The following GOLGA3 variants were observed in gnomAD, a reference collection of about 807,000 sequenced individuals.
The protein encoded by GOLGA3 is golgin A3.
Under a neutral mutation model 169.4 loss-of-function variants are expected in GOLGA3, and 75 were observed. The ratio of observed to expected loss-of-function variants is 0.44; its 90% CI spans 0.37 to 0.54. GOLGA3 has a LOEUF of 0.54. Ranked by LOEUF, GOLGA3 falls within the 20% of genes least tolerant of loss-of-function variation. GOLGA3 has a pLI of 0.00. For missense variants in GOLGA3, 1,899 were observed against 1,930.0 expected, an observed-to-expected ratio of 0.98 and a Z score of 0.30; for synonymous variants, 824 against 822.4, an observed-to-expected ratio of 1.00 and a Z score of -0.03.
Position 132,816,755 on chromosome 12 carries a change from C to G in GOLGA3, c.191G>C (p.Gly64Ala). Residue 64 changes from glycine to alanine, a missense_variant, in exon 3 of 24, where the codon GGA becomes GCA. Gly to Ala is a moderately conservative substitution (Grantham distance 60). Transcript: ENST00000450791. Reference protein sequence around the residue: ...EGESPDGPGQGGLCQNGPTPP... With the variant: ...EGESPDGPGQAGLCQNGPTPP... ...CGTTGGCCCGTTCTGACAGAGGCCT[C>G]CCTGGCCAGGTCCATCCGGGCTTTC... 1.9e-6 allele frequency: 3 copies of G among 1,613,244 alleles called. No individual in the cohort carries two copies. The South Asian group carries it at 3.3e-5, about 18-fold the overall frequency.
Position 132,789,171 on chromosome 12 carries a change from T to C in GOLGA3, c.2667A>G (p.Gln889=), listed in dbSNP as rs1451004413. 6.2e-7 allele frequency: 1 copy of C among 1,612,148 alleles called. No individual in the cohort carries two copies. The highest frequency in any genetic ancestry group is 8.5e-7 in the Non-Finnish European group (1 of 1,180,022). The part of the protein sequence containing the change: ...ELKELRQELM[Q]VHGEKRTAEA... The stretch of plus-strand genomic sequence containing the variant: ...CGGCAGTCCGCTTCTCCCCGTGCAC[T>C]TGCATCAGCTCCTGCCGCAGCTCCT... The change falls in exon 13 of 24, where the codon CAA becomes CAG. Residue 889 remains glutamine, a synonymous_variant. Coordinates refer to ENST00000450791, the MANE Select transcript of GOLGA3 (RefSeq NM_001389683.1).
Position 132,789,189 on chromosome 12 carries a change from C to A in GOLGA3, c.2649G>T (p.Leu883=). 1.2e-6 allele frequency: 2 copies of A among 1,611,456 alleles called. No homozygotes were observed. The highest frequency in any genetic ancestry group is 3.3e-5 in the Admixed American group (2 of 60,026). ...CGTGCACTTGCATCAGCTCCTGCCG[C>A]AGCTCCTTCAGCTCCGAGTCCAGCC... ...RKRLDSELKE[L]RQELMQVHGE... Residue 883 remains leucine, a synonymous_variant, in exon 13 of 24, where the codon CTG becomes CTT. Transcript: ENST00000450791.
At chr12:132,800,596 C>T (rs1949083710) in intron 8 of GOLGA3, among the ~76,000 whole-genome samples, 1 of 152,132 alleles carries the variant, frequency 6.6e-6, no homozygotes, top group African/African-American at 2.4e-5. Flanking sequence ...ATTTCACGTT[C>T]CCCTCTTGAG....
intron 21 of GOLGA3, among the ~76,000 whole-genome samples, 182 bp downstream of exon 21, chr12:132,776,452 A>G (rs58790599): frequency 2.6e-4 from 30 of 116,772 alleles, no homozygotes; most frequent in African/African-American, 7.5e-4. Flanking sequence ...TCCCGCCTGT[A>G]CCCAGCGCCT....
intron 23 of GOLGA3, among the ~76,000 whole-genome samples, chr12:132,773,555 C>G (rs950759372): frequency 6.6e-6 from 1 of 152,232 alleles, no homozygotes; most frequent in African/African-American, 2.4e-5. Flanking sequence ...ACTTCCACTC[C>G]GTTACCTGCC....
chr12:132,816,285 G>A (rs538144103), intron 3 of GOLGA3, among the ~76,000 whole-genome samples: 7 of 152,262 alleles, frequency 4.6e-5, no homozygotes, highest in Admixed American at 6.5e-5. Flanking sequence ...CACAGGACAT[G>A]CAGGCTGGCC....
chr12:132,805,076 C>G, intron 6 of GOLGA3, 54 bp from the exon 7 acceptor site: 2 of 1,557,618 alleles, frequency 1.3e-6, no homozygotes, highest in Non-Finnish European at 1.7e-6. Flanking sequence ...CACTTCCATC[C>G]AGTGTATTAA....
rs371526512 is a variant in GOLGA3, at chr12:132,789,315, G to A, written c.2548-25C>T. 2.0e-4 allele frequency: 312 copies of A among 1,548,072 alleles called. 1 individual carries two copies. The highest frequency in any genetic ancestry group is 4.8e-4 in the Admixed American group (26 of 54,216). ...CCTGCCAAAGACAGAGGCTGTGAGC[G>A]GACGCTGGGCGGCGGGGCGTGGGGG... is the stretch of plus-strand genomic sequence containing the variant. On this transcript the variant is annotated intron_variant, in intron 12 of 23. Coordinates refer to ENST00000450791, the MANE Select transcript of GOLGA3 (RefSeq NM_001389683.1).
Position 132,776,477 on chromosome 12 carries a change from C to T in GOLGA3, c.3978+157G>A, listed in dbSNP as rs76926969. Among the ~76,000 whole-genome samples the T allele has an allele frequency of 1.8e-4, 22 of 122,394 alleles. No individual in the cohort carries two copies. Among genetic ancestry groups the T allele is most frequent in the African/African-American group, 5.3e-4 (14 of 26,540 alleles). 80.3% of individuals were successfully genotyped at this position (122,394 alleles called of 152,430 possible). A position where few individuals can be genotyped will look rare whatever the true frequency, so the allele number is the denominator to read the frequency against. ...ACCCAGCGCCTCACACACAGGTACC[C>T]GCAGCAGCTGCTGTAGCCCCTCCAG... On this transcript the variant is annotated intron_variant, in intron 21 of 23. Transcript: ENST00000450791.
chr12:132,821,968 C>G (rs1435370203), intron 2 of GOLGA3, 28 bp downstream of exon 2: 2 of 1,520,708 alleles, frequency 1.3e-6, no homozygotes, highest in Non-Finnish European at 1.8e-6. Context: ...CTCCTGTGAC[C>G]AGCACACAGA....
chr12:132,788,985 C>T (rs201939596), intron 13 of GOLGA3, 42 bp downstream of exon 13: 9 of 1,494,962 alleles, frequency 6.0e-6, no homozygotes, highest in South Asian at 2.6e-5. Flanking sequence ...GCACTTTGGC[C>T]GAATCCTCCC....
In GOLGA3 at chr12:132,808,153, T is replaced by C. The variant is rs1449539259; in HGVS notation, c.916A>G (p.Ser306Gly). 2 of 1,612,248 alleles carry C rather than the reference T, an allele frequency of 1.2e-6. No homozygotes were observed. Among genetic ancestry groups the C allele is most frequent in the South Asian group, 1.1e-5 (1 of 90,964 alleles). ...TCATTTCCATCCACCTCAGACACGCTGTCTCCAGCCAGGGAGGTGTTCTCC... is the reference window on the plus strand; with the variant it reads ...TCATTTCCATCCACCTCAGACACGCCGTCTCCAGCCAGGGAGGTGTTCTCC... ...RLENTSLAGD[S>G]VSEVDGNDSD... Residue 306 changes from serine to glycine, a missense_variant, in exon 5 of 24, where the codon AGC becomes GGC. Coordinates refer to ENST00000450791, the MANE Select transcript of GOLGA3 (RefSeq NM_001389683.1).
intron 1 of GOLGA3, chr12:132,825,804 G>A (rs1456299378): frequency 4.1e-6 from 5 of 1,207,718 alleles, no homozygotes; most frequent in African/African-American, 3.0e-5. Flanking sequence ...AAGCTCCTGC[G>A]GTACTACAAG....
At chr12:132,816,187 G>A (rs898361011) in intron 3 of GOLGA3, among the ~76,000 whole-genome samples, 2 of 152,182 alleles carry the variant, frequency 1.3e-5, no homozygotes, top group African/African-American at 4.8e-5. Context: ...GAAAGAGCGA[G>A]ACTCTGTCTC....
At position 132,770,506 on chromosome 12, in the gene GOLGA3, T is replaced by C. The variant is rs1215456924; in HGVS notation, c.*2599A>G. 6.6e-6 allele frequency: 1 copy of C among 152,156 alleles called. No homozygotes were observed. The highest frequency in any genetic ancestry group is 2.4e-5 in the African/African-American group (1 of 41,434). The allele number at this position is 152,156 out of a possible 1,614,324, so 9.4% of individuals were successfully genotyped here. A position where few individuals can be genotyped will look rare whatever the true frequency, so the allele number is the denominator to read the frequency against. Reference sequence around the variant, plus strand: ...ACATAGAGCTACTTTTCCTTCGGTATTTTCAGAATTAGTCTGTCCTAAGAG... The same window carrying C: ...ACATAGAGCTACTTTTCCTTCGGTACTTTCAGAATTAGTCTGTCCTAAGAG... On this transcript the variant is annotated 3_prime_UTR_variant, in exon 24 of 24. Coordinates refer to ENST00000450791, the MANE Select transcript of GOLGA3 (RefSeq NM_001389683.1).
At chr12:132,807,447 G>A (rs922093560) in intron 5 of GOLGA3, among the ~76,000 whole-genome samples, 159 bp from the exon 6 acceptor site, 4 of 152,142 alleles carry the variant, frequency 2.6e-5, no homozygotes, top group Admixed American at 6.5e-5. Context: ...CATGATGCAC[G>A]GATGAACATT....
chr12:132,788,961 CA>C, intron 13 of GOLGA3, 65 bp downstream of exon 13: 1 of 1,462,252 alleles, frequency 6.8e-7, no homozygotes, highest in South Asian at 1.3e-5. Flanking sequence ...ACACAGGCCC[CA>C]CCCTCCCGAC....
At chr12:132,780,967 A>C in intron 17 of GOLGA3, 53 bp from the exon 18 acceptor site, 2 of 1,358,296 alleles carry the variant, frequency 1.5e-6, no homozygotes, top group South Asian at 1.2e-5. Flanking sequence ...TTACAAACAC[A>C]CAAGGCTGCT....
intron 6 of GOLGA3, among the ~76,000 whole-genome samples, chr12:132,806,555 G>T (rs533227330): frequency 4.9e-4 from 74 of 152,362 alleles, no homozygotes; most frequent in African/African-American, 1.8e-3. Context: ...GCCCTGCTCT[G>T]CGGCCTCGCA....
Sources: gnomAD v4.1 joint callset for allele counts (sites outside exome capture counted in the v4.1 genomes callset) on GRCh38, gnomAD v4.1.1 for gene constraint, MANE v1.5 for transcripts, NCBI Gene and HGNC (gene_info 2026-07-23, HGNC 2026-07-21) for gene names.